Variants in TSNAXIP1 observed in about 807,000 individuals in gnomAD.
TSNAXIP1 encodes the protein translin-associated factor X-interacting protein 1.
Under a neutral mutation model 84.8 loss-of-function variants are expected in TSNAXIP1, and 89 were observed. The ratio of observed to expected loss-of-function variants is 1.05; its 90% CI spans 0.88 to 1.25. The LOEUF is 1.25. TSNAXIP1 is among the 50% of genes most tolerant of loss of function. The pLI is 0.00. For synonymous variants in TSNAXIP1, 347 were observed against 335.2 expected (o/e 1.04, Z -0.39); for missense variants, 874 against 887.6 (o/e 0.98, Z 0.20).
chr16:67,819,843 T>G (rs113505570), intron 2 of TSNAXIP1, among the ~76,000 whole-genome samples: 16,384 of 133,186 alleles, frequency 0.12, 1,138 homozygotes, highest in African/African-American at 0.19. Context: ...TTTTTGAGAC[T>G]GAGTCTCGCT....
intron 1 of TSNAXIP1, among the ~76,000 whole-genome samples, chr16:67,811,721 C>G (rs1335110926): frequency 3.3e-5 from 5 of 152,134 alleles, no homozygotes; most frequent in Admixed American, 6.6e-5. Flanking sequence ...GGATTACAGG[C>G]TTGAGCCACT....
rs1322823579 is a variant in TSNAXIP1 at position 67,827,889 on chromosome 16, G to A, written c.2035G>A (p.Glu679Lys). The stretch of plus-strand genomic sequence containing the variant: ...GTCGGAAATGCCAGAGGAGGGTGAC[G>A]AGAAGGAAGAAGCCGTGGTGGAAAT... ...PESEMPEEGD[E>K]KEEAVVEILQ... is the part of the protein sequence containing the mutation. The change falls in exon 16 of 16, where the codon GAG becomes AAG. Residue 679 changes from glutamate to lysine, a missense_variant. Glu to Lys is a moderately conservative substitution (Grantham distance 56). Coordinates refer to ENST00000561639, the MANE Select transcript of TSNAXIP1 (RefSeq NM_001288990.3). The A allele has an allele frequency of 6.2e-6, 10 of 1,614,006 alleles. No homozygotes were observed. Among genetic ancestry groups the A allele is most frequent in the Admixed American group, 3.3e-5 (2 of 59,998 alleles).
At chr16:67,823,381 A>G (rs1711980726) in intron 4 of TSNAXIP1, among the ~76,000 whole-genome samples, 2 of 152,004 alleles carry the variant, frequency 1.3e-5, no homozygotes, top group South Asian at 4.2e-4. Context: ...CATCTCTACT[A>G]AAAATACAAA....
chr16:67,812,096 C>T (rs190568177), intron 1 of TSNAXIP1, among the ~76,000 whole-genome samples: 64 of 152,188 alleles, frequency 4.2e-4, no homozygotes, highest in Admixed American at 5.9e-4. Flanking sequence ...AGATGTTAAG[C>T]GGCATGCCCA....
At chr16:67,820,156 C>T (rs1225049992) in intron 2 of TSNAXIP1, among the ~76,000 whole-genome samples, 1 of 151,558 alleles carries the variant, frequency 6.6e-6, no homozygotes. Flanking sequence ...CGGGGTTTCA[C>T]CGTGTTAGCC....
chr16:67,816,280 ATT>A (rs1299312424), intron 2 of TSNAXIP1, among the ~76,000 whole-genome samples: 1 of 152,030 alleles, frequency 6.6e-6, no homozygotes, highest in Non-Finnish European at 1.5e-5. Context: ...ATGCTGTCTT[ATT>A]AAGTACTTTT....
chr16:67,823,129 G>C (rs1260635344), intron 4 of TSNAXIP1, among the ~76,000 whole-genome samples: 1 of 152,206 alleles, frequency 6.6e-6, no homozygotes, highest in Non-Finnish European at 1.5e-5. Context: ...ATCAGGACAG[G>C]CCTCCAGAGA....
Position 67,827,987 on chromosome 16 carries a change from A to G in TSNAXIP1, c.2133A>G (p.Ala711=). The G allele has an allele frequency of 3.1e-6, 5 of 1,612,816 alleles. No individual in the cohort carries two copies. The highest frequency in any genetic ancestry group is 4.2e-6 in the Non-Finnish European group (5 of 1,179,628). ...TGGGACCTCGAGAGCCAGAGCCTGC[A>G]AGCTAGGAACTTGTGGGCAGCCTGC... ...RRVGPREPEP[A]S The change falls in exon 16 of 16, where the codon GCA becomes GCG. Residue 711 remains alanine, a synonymous_variant. Coordinates refer to ENST00000561639, the MANE Select transcript of TSNAXIP1 (RefSeq NM_001288990.3).
chr16:67,826,895 T>C (rs2057496206), intron 12 of TSNAXIP1, 51 bp downstream of exon 12: 1 of 1,612,282 alleles, frequency 6.2e-7, no homozygotes, highest in African/African-American at 1.3e-5. Context: ...TCTTTGTCCC[T>C]AGCATAGACC....
intron 4 of TSNAXIP1, among the ~76,000 whole-genome samples, chr16:67,822,740 G>A (rs141888829): frequency 1.3e-5 from 2 of 152,206 alleles, no homozygotes; most frequent in Admixed American, 1.3e-4. Context: ...GCAAGGCCCT[G>A]GGCTGGGGCC....
chr16:67,813,102 T>A (rs1274462571), intron 1 of TSNAXIP1, among the ~76,000 whole-genome samples: 1 of 151,660 alleles, frequency 6.6e-6, no homozygotes, highest in East Asian at 2.0e-4. Flanking sequence ...TATTTAAACT[T>A]CAGGCCGGTC....
Position 67,827,992 on chromosome 16 carries a change from AG to A in TSNAXIP1, c.*1del, listed in dbSNP as rs770741115. 179 of 1,612,604 alleles carry A rather than the reference AG, an allele frequency of 1.1e-4. No homozygotes were observed. In the East Asian group the frequency reaches 3.8e-3, roughly 35 times the overall value. On this transcript the variant is annotated frameshift_variant and stop_lost, in exon 16 of 16. Transcript: ENST00000561639. LOFTEE classifies it high-confidence loss of function. ...VGPREPEPAS* is the reference protein window; with the variant it reads ...VGPREPEPASX ...CCTCGAGAGCCAGAGCCTGCAAGCTAGGAACTTGTGGGCAGCCTGCGTACTC... is the reference window on the plus strand; with the variant it reads ...CCTCGAGAGCCAGAGCCTGCAAGCTAGAACTTGTGGGCAGCCTGCGTACTC...
At chr16:67,813,640 G>C (rs2056297133) in intron 1 of TSNAXIP1, among the ~76,000 whole-genome samples, 1 of 145,524 alleles carries the variant, frequency 6.9e-6, no homozygotes, top group African/African-American at 2.6e-5. Flanking sequence ...TGCTGAGGCA[G>C]AGAATTGCTT....
intron 2 of TSNAXIP1, among the ~76,000 whole-genome samples, chr16:67,820,562 T>C (rs2056957254): frequency 6.6e-6 from 1 of 151,954 alleles, no homozygotes; most frequent in Admixed American, 6.6e-5. Context: ...CTGGCCAAGA[T>C]GGTGAAACCA....
At chr16:67,813,194 C>T (rs2151201051) in intron 1 of TSNAXIP1, among the ~76,000 whole-genome samples, 1 of 152,146 alleles carries the variant, frequency 6.6e-6, no homozygotes, top group Middle Eastern at 3.4e-3. Context: ...CAAGACCAGC[C>T]TGGCCAACAT....
chr16:67,823,388 C>T (rs1245518542), intron 4 of TSNAXIP1, among the ~76,000 whole-genome samples: 2 of 151,888 alleles, frequency 1.3e-5, no homozygotes, highest in Admixed American at 6.6e-5. Flanking sequence ...ACTAAAAATA[C>T]AAAAATTAGC....
intron 1 of TSNAXIP1, among the ~76,000 whole-genome samples, chr16:67,812,942 A>T (rs2056226434): frequency 6.6e-6 from 1 of 151,840 alleles, no homozygotes; most frequent in East Asian, 2.0e-4. Context: ...TTGCTTTCAG[A>T]CAGAGTTTTA....
At position 67,825,764 on chromosome 16, in the gene TSNAXIP1, C is replaced by T. The variant is rs772066844; in HGVS notation, c.912C>T (p.Ala304=). 9.9e-6 allele frequency: 16 copies of T among 1,614,172 alleles called. No homozygotes were observed. Among genetic ancestry groups the T allele is most frequent in the Non-Finnish European group, 1.2e-5 (14 of 1,180,042 alleles). Residue 304 remains alanine, a synonymous_variant, in exon 8 of 16, where the codon GCC becomes GCT. Transcript: ENST00000561639. ...AGATGGAACTCAACAACATGAAGGC[C>T]AACTTTGGAGATGTGGTCCCCAGGA... ...RTQMELNNMK[A]NFGDVVPRRD... is the part of the protein sequence containing the mutation.
At chr16:67,807,897 C>G (rs1393803591) in intron 1 of TSNAXIP1, 1 of 154,126 alleles carries the variant, frequency 6.5e-6, no homozygotes, top group Non-Finnish European at 1.4e-5. Flanking sequence ...TCTGCCTGTA[C>G]TCAGGTGTAT....
Sources: gnomAD v4.1 joint callset for allele counts (sites outside exome capture counted in the v4.1 genomes callset) on GRCh38, gnomAD v4.1.1 for gene constraint, MANE v1.5 for transcripts, NCBI Gene and HGNC (gene_info 2026-07-23, HGNC 2026-07-21) for gene names.